Variants in CLHC1 observed in about 807,000 individuals in gnomAD.
CLHC1 encodes clathrin heavy chain linker domain containing 1, also known as clathrin heavy chain linker domain-containing protein 1.
Under a neutral mutation model 69.5 loss-of-function variants are expected in CLHC1, and 72 were observed. The observed-to-expected ratio is 1.04, with a 90% CI of 0.86 to 1.26. CLHC1 has a LOEUF of 1.26. Among genes scored for constraint, CLHC1 ranks in the 50% most tolerant of loss-of-function variants. The probability of loss-of-function intolerance (pLI) is 0.00; values close to 1 mark genes in which losing one functional copy is unlikely to be tolerated. For synonymous variants in CLHC1, 223 were observed against 224.3 expected (o/e 0.99, Z 0.05); for missense variants, 790 against 679.3 (o/e 1.16, Z -1.81).
rs376269069 is a variant in CLHC1 at position 55,189,182 on chromosome 2, A to G, written c.1007-7438T>C. Among the ~76,000 whole-genome samples, 133 of 152,312 alleles carry G rather than the reference A, an allele frequency of 8.7e-4. 2 individuals are homozygous for G. The Middle Eastern group carries it at 0.017, about 19-fold the overall frequency. ...CAATAATACAAAGAAGTGTAGCCAAAAAGCCAAGATAGGAGAAAAGAGGGA... is the reference window on the plus strand; with the variant it reads ...CAATAATACAAAGAAGTGTAGCCAAGAAGCCAAGATAGGAGAAAAGAGGGA... On this transcript the variant is annotated intron_variant, in intron 9 of 12. Coordinates refer to ENST00000401408, the MANE Select transcript of CLHC1 (RefSeq NM_152385.4).
intron 8 of CLHC1, among the ~76,000 whole-genome samples, chr2:55,208,030 A>G (rs1436357796): frequency 1.3e-5 from 2 of 152,174 alleles, no homozygotes; most frequent in Non-Finnish European, 2.9e-5. Flanking sequence ...CTCCTTAATA[A>G]GTCAGGGGAT....
intron 9 of CLHC1, among the ~76,000 whole-genome samples, chr2:55,190,418 G>A (rs1670812250): frequency 6.6e-6 from 1 of 151,978 alleles, no homozygotes; most frequent in South Asian, 2.1e-4. Context: ...TACCCATACT[G>A]AGAAAAAAAT....
chr2:55,210,091 C>A (rs535738851), intron 5 of CLHC1, among the ~76,000 whole-genome samples: 1 of 152,246 alleles, frequency 6.6e-6, no homozygotes, highest in Middle Eastern at 3.4e-3. Flanking sequence ...AACTCCTGGG[C>A]TCAAGCAATC....
chr2:55,208,679 T>G lies in CLHC1; in HGVS notation c.846A>C (p.Glu282Asp), dbSNP rs1238356693. 2.5e-6 allele frequency: 4 copies of G among 1,612,120 alleles called. No individual in the cohort carries two copies. The Admixed American group carries it at 6.7e-5, about 27-fold the overall frequency. The change falls in exon 8 of 13, where the codon GAA (glutamate) becomes GAC (aspartate). Residue 282 changes from glutamate (E) to aspartate (D), a missense_variant. Glu to Asp is a conservative substitution (Grantham distance 45, BLOSUM62 2). Transcript: ENST00000401408. ...GDQGIVEELM[E>D]DDPRRAKEAE... ...CTTCTTTTGCCCTGCGTGGATCATC[T>G]TCCATTAGTTCTTCAACAATGCCTT...
chr2:55,211,699 A>G (rs1368453341), intron 5 of CLHC1, among the ~76,000 whole-genome samples: 1 of 151,974 alleles, frequency 6.6e-6, no homozygotes, highest in African/African-American at 2.4e-5. Flanking sequence ...ACTAGCCAAA[A>G]TCTTTAAAAG....
chr2:55,184,293 GA>G (rs1261550317), intron 9 of CLHC1, among the ~76,000 whole-genome samples: 1 of 151,682 alleles, frequency 6.6e-6, no homozygotes, highest in Non-Finnish European at 1.5e-5. Context: ...TTTTTGCAGT[GA>G]CAGAGTTTCA....
intron 9 of CLHC1, among the ~76,000 whole-genome samples, chr2:55,195,844 T>C (rs1671361972): frequency 1.3e-5 from 2 of 151,876 alleles, no homozygotes; most frequent in Admixed American, 1.3e-4. Context: ...CAAAAAAAAC[T>C]ACCTACACAA....
chr2:55,189,021 C>T (rs866019889), intron 9 of CLHC1, among the ~76,000 whole-genome samples: 1 of 151,962 alleles, frequency 6.6e-6, no homozygotes, highest in East Asian at 1.9e-4. Flanking sequence ...AAAATAGTAA[C>T]AATGTATATG....
Position 55,209,638 on chromosome 2 carries a change from C to T in CLHC1, c.693G>A (p.Leu231=), listed in dbSNP as rs1408639324. ...RDVAENLNKK[L]QFCHQRLQII... ...ATAATCAACTTCCATACCAAAACTG[C>T]AATTTTTTGTTCAGATTTTCAGCTA... Residue 231 remains leucine (L), a synonymous_variant, in exon 6 of 13, where the codon TTG becomes TTA. Coordinates refer to ENST00000401408, the MANE Select transcript of CLHC1 (RefSeq NM_152385.4). The T allele has an allele frequency of 3.7e-6, 6 of 1,613,674 alleles. No homozygotes were observed. Among genetic ancestry groups the T allele is most frequent in the Non-Finnish European group, 5.1e-6 (6 of 1,179,802 alleles).
chr2:55,187,155 T>G (rs1670491135), intron 9 of CLHC1, among the ~76,000 whole-genome samples: 1 of 151,814 alleles, frequency 6.6e-6, no homozygotes, highest in South Asian at 2.1e-4. Context: ...CATGGTGGCA[T>G]GCACCTGTAC....
At chr2:55,188,235 G>A (rs2103753349) in intron 9 of CLHC1, among the ~76,000 whole-genome samples, 1 of 152,202 alleles carries the variant, frequency 6.6e-6, no homozygotes, top group East Asian at 1.9e-4. Flanking sequence ...AAGATCACTT[G>A]AGCCCAGGAG....
intron 9 of CLHC1, among the ~76,000 whole-genome samples, chr2:55,198,231 G>A (rs1054937224): frequency 6.6e-6 from 1 of 152,160 alleles, no homozygotes; most frequent in Non-Finnish European, 1.5e-5. Context: ...TGCAAATCAA[G>A]GAGTTATTGG....
chr2:55,183,818 G>A (rs1324212195), intron 9 of CLHC1, among the ~76,000 whole-genome samples: 4 of 152,048 alleles, frequency 2.6e-5, no homozygotes, highest in Non-Finnish European at 5.9e-5. Flanking sequence ...GTCTCGCTCC[G>A]TCGCCAGGCT....
At chr2:55,227,741 AG>A (rs1674854395) in intron 2 of CLHC1, among the ~76,000 whole-genome samples, 1 of 152,012 alleles carries the variant, frequency 6.6e-6, no homozygotes, top group Non-Finnish European at 1.5e-5. Context: ...ATCATTAGAG[AG>A]GGGGTAGTGA....
At position 55,212,673 on chromosome 2, in the gene CLHC1, C is replaced by T. The variant is rs144567094; in HGVS notation, c.499G>A (p.Gly167Ser). The T allele has an allele frequency of 8.5e-5, 135 of 1,593,788 alleles. No homozygotes were observed. The highest frequency in any genetic ancestry group is 1.1e-4 in the Non-Finnish European group (124 of 1,163,244). ...FSKDPSKPIPGMTLQESMNLD... is the reference protein window; with the variant it reads ...FSKDPSKPIPSMTLQESMNLD... ...AAATATTTTAAACAAAATACAATAC[C>T]TGGAATAGGTTTTGAAGGATCTTTG... The change falls in exon 5 of 13, where the codon GGC (glycine) becomes AGC (serine). Residue 167 changes from glycine to serine, a missense_variant and splice_region_variant. By Grantham distance (56) the Gly-to-Ser change is moderately conservative (BLOSUM62 0). Coordinates refer to ENST00000401408, the MANE Select transcript of CLHC1 (RefSeq NM_152385.4).
chr2:55,182,698 G>A (rs1670041300), intron 9 of CLHC1, among the ~76,000 whole-genome samples: 1 of 152,192 alleles, frequency 6.6e-6, no homozygotes, highest in African/African-American at 2.4e-5. Context: ...AGGCTAGAGT[G>A]AGTAAAGAGA....
At chr2:55,217,786 T>C in intron 4 of CLHC1, 25 bp downstream of exon 4, 1 of 1,440,544 alleles carries the variant, frequency 6.9e-7, no homozygotes, top group Non-Finnish European at 9.3e-7. Context: ...CTACCATCTT[T>C]TGGGCTAGTT....
chr2:55,209,045 T>A (rs1001819921), intron 7 of CLHC1, among the ~76,000 whole-genome samples: 16 of 151,936 alleles, frequency 1.1e-4, no homozygotes, highest in African/African-American at 3.9e-4. Context: ...TAATTTTTTG[T>A]ATTTTTTTTA....
intron 4 of CLHC1, among the ~76,000 whole-genome samples, chr2:55,216,585 G>T (rs577808443): frequency 6.6e-6 from 1 of 151,830 alleles, no homozygotes; most frequent in Non-Finnish European, 1.5e-5. Flanking sequence ...ACCCAGGCTG[G>T]AGTGCAGTGG....
Sources: allele counts gnomAD v4.1 joint callset (sites outside exome capture counted in the v4.1 genomes callset), GRCh38; gene constraint gnomAD v4.1.1; transcripts MANE v1.5; gene names NCBI Gene and HGNC (gene_info 2026-07-23, HGNC 2026-07-21).